TOX3: variants seen among roughly 807,000 people sequenced by gnomAD.
TOX3 encodes the protein TOX high mobility group box family member 3.
A neutral mutation model predicts 64.3 loss-of-function variants in TOX3; 22 were observed. The ratio of observed to expected loss-of-function variants is 0.34; its 90% CI spans 0.24 to 0.49. TOX3 has a LOEUF of 0.49. TOX3 is among the 20% of genes least tolerant of loss of function. TOX3 has a pLI of 0.99. For missense variants in TOX3, 661 were observed against 714.4 expected, an observed-to-expected ratio of 0.93 and a Z score of 0.85; for synonymous variants, 291 against 273.6, an observed-to-expected ratio of 1.06 and a Z score of -0.63.
intron 1 of TOX3, among the ~76,000 whole-genome samples, chr16:52,472,583 C>T (rs1034887841): frequency 6.6e-6 from 1 of 152,152 alleles, no homozygotes; most frequent in African/African-American, 2.4e-5. Flanking sequence ...TATAACCCTC[C>T]ACTGATGTCC....
chr16:52,546,337 G>A (rs1048520885), intron 1 of TOX3, among the ~76,000 whole-genome samples: 1 of 151,974 alleles, frequency 6.6e-6, no homozygotes, highest in Non-Finnish European at 1.5e-5. Context: ...TCACACGCCA[G>A]CCCTTCTTTC....
intron 1 of TOX3, among the ~76,000 whole-genome samples, chr16:52,524,943 T>C (rs1330093817): frequency 1.3e-5 from 2 of 151,956 alleles, no homozygotes; most frequent in African/African-American, 4.8e-5. Flanking sequence ...AGAAAGTCTC[T>C]TGAGCTAGAG....
At chr16:52,498,228 G>A (rs1325106726) in intron 1 of TOX3, among the ~76,000 whole-genome samples, 2 of 152,194 alleles carry the variant, frequency 1.3e-5, no homozygotes, top group Admixed American at 6.5e-5. Flanking sequence ...ACTTCAAGCC[G>A]TAGTTATACA....
At chr16:52,477,200 C>T (rs754352955) in intron 1 of TOX3, among the ~76,000 whole-genome samples, 6 of 152,074 alleles carry the variant, frequency 3.9e-5, no homozygotes, top group Non-Finnish European at 8.8e-5. Flanking sequence ...TGTACACAGG[C>T]TGTGTTCAAA....
chr16:52,484,483 T>C (rs1961454254), intron 1 of TOX3, among the ~76,000 whole-genome samples: 1 of 152,174 alleles, frequency 6.6e-6, no homozygotes, highest in African/African-American at 2.4e-5. Context: ...AGGATTTCAT[T>C]AATCTCCATC....
intron 1 of TOX3, among the ~76,000 whole-genome samples, chr16:52,488,212 C>G (rs1961581448): frequency 6.6e-6 from 1 of 152,196 alleles, no homozygotes; most frequent in Non-Finnish European, 1.5e-5. Context: ...CCAAAACACC[C>G]TGCCCCTAGC....
chr16:52,438,830 C>A lies in TOX3; in HGVS notation c.*395G>T. 2.3e-6 allele frequency: 1 copy of A among 443,184 alleles called. No individual in the cohort carries two copies. Among genetic ancestry groups the A allele is most frequent in the South Asian group, 1.8e-5 (1 of 55,846 alleles). 27.5% of individuals were successfully genotyped at this position (443,184 alleles called of 1,614,324 possible). On this transcript the variant is annotated 3_prime_UTR_variant, in exon 7 of 7. Transcript: ENST00000219746. ...TTTTATTTTTAGGGCTTCAGGAGTTCAGATAGCCTGGAAGTGTGGTTTACT... is the reference window on the plus strand; with the variant it reads ...TTTTATTTTTAGGGCTTCAGGAGTTAAGATAGCCTGGAAGTGTGGTTTACT...
At position 52,498,489 on chromosome 16, in the gene TOX3, G is replaced by A. The variant is rs147437249; in HGVS notation, c.88-29915C>T. The stretch of plus-strand genomic sequence containing the variant: ...GCAGCAAACTGGGCTGGGAGCCCCC[G>A]CATGATCCTGGTACCAGCAATTTTC... On this transcript the variant is annotated intron_variant, in intron 1 of 6. Coordinates refer to ENST00000219746, the MANE Select transcript of TOX3 (RefSeq NM_001080430.4). Among the ~76,000 whole-genome samples the A allele has an allele frequency of 3.9e-5, 6 of 152,234 alleles. No individual in the cohort carries two copies. The East Asian group carries it at 1.2e-3, about 29-fold the overall frequency.
chr16:52,529,815 G>A (rs1962812538), intron 1 of TOX3, among the ~76,000 whole-genome samples: 1 of 152,104 alleles, frequency 6.6e-6, no homozygotes, highest in Non-Finnish European at 1.5e-5. Context: ...GAGGTGTAAT[G>A]AGCTATACAT....
chr16:52,514,504 G>C lies in TOX3; in HGVS notation c.87+32133C>G, dbSNP rs140513052. On this transcript the variant is annotated intron_variant, in intron 1 of 6. Coordinates refer to ENST00000219746, the MANE Select transcript of TOX3 (RefSeq NM_001080430.4). ...TTAAGAAATGAGAAAAATAGGTATT[G>C]TTTTCTCTGTATGGCTGTAAAAGCT... Among the ~76,000 whole-genome samples the C allele has an allele frequency of 1.5e-3, 233 of 152,276 alleles. 1 individual carries two copies. Among genetic ancestry groups the C allele is most frequent in the African/African-American group, 5.4e-3 (224 of 41,568 alleles).
At chr16:52,531,436 A>G (rs1962849821) in intron 1 of TOX3, among the ~76,000 whole-genome samples, 1 of 152,178 alleles carries the variant, frequency 6.6e-6, no homozygotes, top group East Asian at 1.9e-4. Context: ...AGGGTGTTCA[A>G]TGTCAAGTTG....
intron 1 of TOX3, among the ~76,000 whole-genome samples, chr16:52,515,109 GA>G (rs1962418434): frequency 7.2e-6 from 1 of 138,296 alleles, no homozygotes; most frequent in Admixed American, 7.4e-5. Context: ...TTACCTATTT[GA>G]TACTCAATAT....
intron 6 of TOX3, among the ~76,000 whole-genome samples, chr16:52,442,807 A>G (rs1463215960): frequency 6.6e-6 from 1 of 151,662 alleles, no homozygotes; most frequent in Non-Finnish European, 1.5e-5. Context: ...AACAAACCAA[A>G]CCCTAGTATT....
chr16:52,489,857 G>C (rs1961628472), intron 1 of TOX3, among the ~76,000 whole-genome samples: 1 of 151,068 alleles, frequency 6.6e-6, no homozygotes, highest in Admixed American at 6.6e-5. Flanking sequence ...TCCACATGTG[G>C]TCATTCAACT....
intron 3 of TOX3, 78 bp downstream of exon 3, chr16:52,463,856 A>G (rs1960771629): frequency 6.9e-7 from 1 of 1,447,442 alleles, no homozygotes; most frequent in Non-Finnish European, 9.1e-7. Flanking sequence ...AGCACGTTTC[A>G]GAACATGGAC....
At chr16:52,506,234 T>C (rs1962159679) in intron 1 of TOX3, among the ~76,000 whole-genome samples, 1 of 152,218 alleles carries the variant, frequency 6.6e-6, no homozygotes, top group Non-Finnish European at 1.5e-5. Flanking sequence ...ACTAGGCTGA[T>C]GCCTGAAACA....
At position 52,441,850 on chromosome 16, in the gene TOX3, C is replaced by T. The variant is rs191834750; in HGVS notation, c.988-1882G>A. 4.2e-3 allele frequency among the ~76,000 whole-genome samples: 647 copies of T among 152,258 alleles called. 7 individuals are homozygous for T. Among genetic ancestry groups the T allele is most frequent in the African/African-American group, 0.015 (616 of 41,542 alleles). ...GTGGGCAGCTCTCCACATTACAAAA[C>T]TCAGTGGGGCTGCATGTTCCTGAAC... On this transcript the variant is annotated intron_variant, in intron 6 of 6. Coordinates refer to ENST00000219746, the MANE Select transcript of TOX3 (RefSeq NM_001080430.4).
At position 52,439,880 on chromosome 16, in the gene TOX3, T is replaced by A. The variant is rs1158110121; in HGVS notation, c.1076A>T (p.Asn359Ile). 1 of 1,613,714 alleles carries A rather than the reference T, an allele frequency of 6.2e-7. No homozygotes were observed. Among genetic ancestry groups the A allele is most frequent in the South Asian group, 1.1e-5 (1 of 91,046 alleles). Residue 359 changes from asparagine (N) to isoleucine (I), a missense_variant, in exon 7 of 7, where the codon AAC becomes ATC. Physicochemically the swap from Asn to Ile is moderately radical, Grantham distance 149. This residue lies in a region of TOX3 where 299 missense variants were observed against 292.1 expected (regional missense o/e 1.02). Coordinates refer to ENST00000219746, the MANE Select transcript of TOX3 (RefSeq NM_001080430.4). ...STNLTSSLLL[N>I]TPLSQHGTVS... Reference sequence around the variant, plus strand: ...TGTTCCATGTTGAGACAGTGGAGTGTTGAGAAGGAGAGAGGATGTTAGATT... The same window carrying A: ...TGTTCCATGTTGAGACAGTGGAGTGATGAGAAGGAGAGAGGATGTTAGATT...
chr16:52,508,239 A>G (rs1293865208), intron 1 of TOX3, among the ~76,000 whole-genome samples: 1 of 152,274 alleles, frequency 6.6e-6, no homozygotes, highest in Non-Finnish European at 1.5e-5. Context: ...TATTAAATTC[A>G]TACAACCATT....
Sources: gnomAD v4.1 joint callset for allele counts (sites outside exome capture counted in the v4.1 genomes callset) on GRCh38, gnomAD v4.1.1 for gene constraint, gnomAD v4.1.1 regional missense constraint, MANE v1.5 for transcripts, NCBI Gene and HGNC (gene_info 2026-07-23, HGNC 2026-07-21) for gene names.